Variants in PARD3B observed in about 807,000 individuals in gnomAD.
PARD3B encodes the protein par-3 family cell polarity regulator beta, also known as partitioning defective 3 homolog B.
PARD3B carries 103 observed loss-of-function variants against 130.2 expected under a neutral mutation model. That is an observed-to-expected ratio of 0.79 (90% CI 0.67 to 0.93). The LOEUF is 0.93. Ranked by LOEUF, PARD3B falls within the 40% of genes least tolerant of loss-of-function variation. The pLI is 0.00. For missense variants in PARD3B, 1,609 were observed against 1,499.2 expected (o/e 1.07, Z -1.21); for synonymous variants, 583 against 553.2 (o/e 1.05, Z -0.76).
At chr2:205,368,221 A>C (rs2044679806) in intron 18 of PARD3B, among the ~76,000 whole-genome samples, 1 of 152,234 alleles carries the variant, frequency 6.6e-6, no homozygotes, top group Non-Finnish European at 1.5e-5. Context: ...AGGATATACC[A>C]ATACTGGTGG....
At chr2:204,971,621 T>G (rs191037751) in intron 3 of PARD3B, among the ~76,000 whole-genome samples, 7 of 139,570 alleles carry the variant, frequency 5.0e-5, no homozygotes, top group Non-Finnish European at 7.7e-5. Flanking sequence ...TGGGAGTCTG[T>G]TTTTTTTTTC....
chr2:205,335,473 A>C (rs566422646), intron 18 of PARD3B, among the ~76,000 whole-genome samples: 2 of 152,228 alleles, frequency 1.3e-5, no homozygotes, highest in South Asian at 4.1e-4. Context: ...TGTGTGTTGC[A>C]CTGAAGTGCC....
intron 2 of PARD3B, among the ~76,000 whole-genome samples, chr2:204,800,192 T>C (rs2042517231): frequency 6.6e-6 from 1 of 152,150 alleles, no homozygotes; most frequent in Non-Finnish European, 1.5e-5. Flanking sequence ...GAAATAATTA[T>C]AAAAACTGAA....
At chr2:205,333,256 T>A (rs1028769719) in intron 18 of PARD3B, among the ~76,000 whole-genome samples, 2 of 152,110 alleles carry the variant, frequency 1.3e-5, no homozygotes, top group African/African-American at 4.8e-5. Context: ...TTTTGAGCTC[T>A]TGAATGTGAC....
chr2:204,569,589 T>C (rs1452205809), intron 1 of PARD3B, among the ~76,000 whole-genome samples: 1 of 152,242 alleles, frequency 6.6e-6, no homozygotes. Context: ...TTCTTAGTTT[T>C]GGCCATTTTG....
chr2:205,334,661 T>C (rs2043247019), intron 18 of PARD3B, among the ~76,000 whole-genome samples: 1 of 152,238 alleles, frequency 6.6e-6, no homozygotes, highest in Admixed American at 6.5e-5. Flanking sequence ...TCTATGGCCT[T>C]TTCATTTGGT....
intron 1 of PARD3B, among the ~76,000 whole-genome samples, chr2:204,617,512 T>C (rs2034153600): frequency 6.6e-6 from 1 of 152,170 alleles, no homozygotes; most frequent in Non-Finnish European, 1.5e-5. Context: ...CTAGCATGAA[T>C]GTACAAGCAT....
rs924972449 is a variant in PARD3B, at chr2:205,564,857, G to A, written c.3260+11454G>A. Among the ~76,000 whole-genome samples, 3 of 152,282 alleles carry A rather than the reference G, an allele frequency of 2.0e-5. No individual in the cohort carries two copies. The highest frequency in any genetic ancestry group is 2.9e-5 in the Non-Finnish European group (2 of 68,022). On this transcript the variant is annotated intron_variant, in intron 22 of 22. Coordinates refer to ENST00000406610, the MANE Select transcript of PARD3B (RefSeq NM_001302769.2). The surrounding 1 kb of genome is among the most constrained non-coding windows in gnomAD (Gnocchi z 4.6). Reference sequence around the variant, plus strand: ...GTACAAAAACAGCAGCCTCCAGAACGTGTTCCTGCTTCTATTCCAAGTCTC... The same window carrying A: ...GTACAAAAACAGCAGCCTCCAGAACATGTTCCTGCTTCTATTCCAAGTCTC...
intron 1 of PARD3B, among the ~76,000 whole-genome samples, chr2:204,637,177 T>A (rs1431224857): frequency 6.6e-6 from 1 of 152,138 alleles, no homozygotes; most frequent in East Asian, 1.9e-4. Context: ...CTGAAGAGGC[T>A]ACCAGGAGCA....
At chr2:204,802,794 G>T (rs1288438051) in intron 2 of PARD3B, among the ~76,000 whole-genome samples, 1 of 151,994 alleles carries the variant, frequency 6.6e-6, no homozygotes, top group South Asian at 2.1e-4. Context: ...TGAACAATGA[G>T]AACATATGGA....
chr2:205,539,090 G>A (rs1421073440), intron 21 of PARD3B, among the ~76,000 whole-genome samples: 1 of 152,134 alleles, frequency 6.6e-6, no homozygotes, highest in Non-Finnish European at 1.5e-5. Context: ...CACTGCCTCT[G>A]GGTGTTCAAT....
intron 21 of PARD3B, among the ~76,000 whole-genome samples, chr2:205,540,457 TTTCTC>T (rs1457959051): frequency 6.6e-6 from 1 of 152,184 alleles, no homozygotes; most frequent in African/African-American, 2.4e-5. Context: ...TTTATGTATT[TTTCTC>T]TTCTGGGTAT....
At chr2:204,666,624 G>T (rs1408391467) in intron 1 of PARD3B, among the ~76,000 whole-genome samples, 1 of 152,076 alleles carries the variant, frequency 6.6e-6, no homozygotes, top group Non-Finnish European at 1.5e-5. Context: ...AATAGAATTT[G>T]TCGATGGATA....
intron 19 of PARD3B, among the ~76,000 whole-genome samples, chr2:205,411,852 T>C (rs1574954621): frequency 1.3e-5 from 2 of 152,160 alleles, no homozygotes; most frequent in African/African-American, 4.8e-5. Context: ...GGGTGCTGGC[T>C]GCAGCCAGTT....
At chr2:205,404,796 G>A (rs771820313) in intron 19 of PARD3B, among the ~76,000 whole-genome samples, 30 of 152,108 alleles carry the variant, frequency 2.0e-4, no homozygotes, top group Non-Finnish European at 4.3e-4. Context: ...TTACAGGCAG[G>A]AGCCACCATG....
At chr2:204,674,157 G>A (rs192420885) in intron 1 of PARD3B, among the ~76,000 whole-genome samples, 8 of 152,238 alleles carry the variant, frequency 5.3e-5, no homozygotes, top group Admixed American at 3.9e-4. Flanking sequence ...GAATCATGGT[G>A]CTTATGTTCT....
intron 4 of PARD3B, among the ~76,000 whole-genome samples, chr2:205,101,015 T>G (rs956539047): frequency 6.6e-6 from 1 of 150,794 alleles, no homozygotes; most frequent in Admixed American, 6.6e-5. Flanking sequence ...TAAAAAACTT[T>G]TGTGCTTTAA....
intron 3 of PARD3B, among the ~76,000 whole-genome samples, chr2:205,038,700 C>T (rs1250511156): frequency 6.6e-6 from 1 of 152,138 alleles, no homozygotes; most frequent in Non-Finnish European, 1.5e-5. Context: ...CATGCGTGTG[C>T]TTATTCATAT....
chr2:205,587,818 C>T (rs1007709517), intron 22 of PARD3B, among the ~76,000 whole-genome samples: 21 of 152,178 alleles, frequency 1.4e-4, no homozygotes, highest in African/African-American at 4.6e-4. Flanking sequence ...CTTTTTCTGC[C>T]CCCTTCTCTT....
Sources: allele counts gnomAD v4.1 joint callset (sites outside exome capture counted in the v4.1 genomes callset), GRCh38; gene constraint gnomAD v4.1.1; non-coding constraint Gnocchi (gnomAD v3.1); transcripts MANE v1.5; gene names NCBI Gene and HGNC (gene_info 2026-07-23, HGNC 2026-07-21).